URB1: variants seen among roughly 807,000 people sequenced by gnomAD.
URB1 encodes nucleolar pre-ribosomal-associated protein 1.
Under a neutral mutation model 242.3 loss-of-function variants are expected in URB1, and 197 were observed. The ratio of observed to expected loss-of-function variants is 0.81; its 90% CI spans 0.72 to 0.91. The LOEUF (loss-of-function observed/expected upper bound fraction) is 0.91. Ranked by LOEUF, URB1 falls within the 40% of genes least tolerant of loss-of-function variation. The probability of loss-of-function intolerance (pLI) is 0.00; values close to 1 mark genes in which losing one functional copy is unlikely to be tolerated. For missense variants in URB1, 2,721 were observed against 2,860.5 expected, an observed-to-expected ratio of 0.95 and a Z score of 1.11; for synonymous variants, 1,153 against 1,201.8, an observed-to-expected ratio of 0.96 and a Z score of 0.84.
At chr21:32,375,755 G>A (rs2033452219) in intron 5 of URB1, among the ~76,000 whole-genome samples, 1 of 151,802 alleles carries the variant, frequency 6.6e-6, no homozygotes, top group Admixed American at 6.6e-5. Context: ...GACCAGCCTG[G>A]GCAATATAGC....
chr21:32,311,785 C>T lies in URB1; in HGVS notation c.*3133G>A. 1 of 1,614,174 alleles carries T rather than the reference C, an allele frequency of 6.2e-7. No homozygotes were observed. The highest frequency in any genetic ancestry group is 1.1e-5 in the South Asian group (1 of 91,086). Reference sequence around the variant, plus strand: ...CCGTGCCACAGGGAACCCCTGGCAACCTCACAGGCTCAGGCGAGCTCAGTG... The same window carrying T: ...CCGTGCCACAGGGAACCCCTGGCAATCTCACAGGCTCAGGCGAGCTCAGTG... On this transcript the variant is annotated 3_prime_UTR_variant, in exon 39 of 39. Transcript: ENST00000382751.
intron 13 of URB1, among the ~76,000 whole-genome samples, chr21:32,360,165 C>T (rs941107922): frequency 6.6e-5 from 10 of 152,156 alleles, no homozygotes; most frequent in African/African-American, 2.4e-4. Context: ...GCCACACAGC[C>T]CACACTGACC....
rs372582182 is a variant in URB1 at position 32,341,529 on chromosome 21, G to T, written c.4258-5C>A. 6.4e-7 allele frequency: 1 copy of T among 1,550,970 alleles called. No individual in the cohort carries two copies. ...ATCAACTTCATTAAGTGCATGCTAT[G>T]AATAAAATAAGTAAGAAAAACACAT... On this transcript the variant is annotated splice_region_variant and splice_polypyrimidine_tract_variant and intron_variant, in intron 24 of 38. Coordinates refer to ENST00000382751, the MANE Select transcript of URB1 (RefSeq NM_014825.3).
At position 32,349,305 on chromosome 21, in the gene URB1, T is replaced by C. The variant is rs986493422; in HGVS notation, c.3011A>G (p.Gln1004Arg). Reference protein sequence around the residue: ...SVASLELANDQTLEEVLVAIL... With the variant: ...SVASLELANDRTLEEVLVAIL... The stretch of plus-strand genomic sequence containing the variant: ...CTACCAGGCAACCTGTGGCGGTACC[T>C]GATCATTGGCCAACTCCAGCGAGGC... Residue 1004 changes from glutamine to arginine, a missense_variant and splice_region_variant, in exon 21 of 39, where the codon CAG (glutamine) becomes CGG (arginine). By Grantham distance (43) the Gln-to-Arg change is conservative. Transcript: ENST00000382751. 5 of 1,539,288 alleles carry C rather than the reference T, an allele frequency of 3.2e-6. No individual in the cohort carries two copies. Among genetic ancestry groups the C allele is most frequent in the Non-Finnish European group, 4.4e-6 (5 of 1,140,836 alleles).
intron 17 of URB1, 120 bp from the exon 18 acceptor site, chr21:32,354,223 G>T (rs760048203): frequency 7.5e-5 from 85 of 1,136,854 alleles, no homozygotes; most frequent in Non-Finnish European, 9.2e-5. Context: ...ATTCCTCTTG[G>T]GGGGAGCATT....
rs2032650375 is a variant in URB1, at chr21:32,314,617, T to C, written c.*301A>G. ...CTCAAACTCGAGCTATTTCCTGTGA[T>C]GAGCTCCAAGCCCCTAGAGAGGAAG... is the stretch of plus-strand genomic sequence containing the variant. On this transcript the variant is annotated 3_prime_UTR_variant, in exon 39 of 39. Transcript: ENST00000382751. 6.2e-7 allele frequency: 1 copy of C among 1,614,130 alleles called. No individual in the cohort carries two copies. Among genetic ancestry groups the C allele is most frequent in the Non-Finnish European group, 8.5e-7 (1 of 1,180,050 alleles).
Position 32,353,804 on chromosome 21 carries a change from T to G in URB1, c.2416+129A>C. On this transcript the variant is annotated intron_variant, in intron 18 of 38. Coordinates refer to ENST00000382751, the MANE Select transcript of URB1 (RefSeq NM_014825.3). The stretch of plus-strand genomic sequence containing the variant: ...TCTGCTGGCTGGGTAGCTATCACTC[T>G]GGGGGTTCTGACCTCCTATTGCCCT... 3.5e-6 allele frequency: 4 copies of G among 1,141,042 alleles called. No individual in the cohort carries two copies. The South Asian group carries it at 6.8e-5, about 19-fold the overall frequency. The allele number at this position is 1,141,042 out of a possible 1,614,324, so 70.7% of individuals were successfully genotyped here.
rs751870972 is a variant in URB1 at position 32,311,936 on chromosome 21, C to A, written c.*2982G>T. The A allele has an allele frequency of 6.2e-7, 1 of 1,613,550 alleles. No individual in the cohort carries two copies. Among genetic ancestry groups the A allele is most frequent in the Non-Finnish European group, 8.5e-7 (1 of 1,180,042 alleles). ...AACTGACCCTCAATGGGGGTCCCCTCGTCAGGAGCAAGCCCAGCGAGCCTC... is the reference window on the plus strand; with the variant it reads ...AACTGACCCTCAATGGGGGTCCCCTAGTCAGGAGCAAGCCCAGCGAGCCTC... On this transcript the variant is annotated 3_prime_UTR_variant, in exon 39 of 39. Coordinates refer to ENST00000382751, the MANE Select transcript of URB1 (RefSeq NM_014825.3).
Position 32,311,405 on chromosome 21 carries a change from T to TCC in URB1, c.*3511_*3512dup. ...TGGATGGGAGGTCAACCTGCTCCCC[T>TCC]CCACCCCCCACCCCCCCCATCCTAA... On this transcript the variant is annotated 3_prime_UTR_variant, in exon 39 of 39. Coordinates refer to ENST00000382751, the MANE Select transcript of URB1 (RefSeq NM_014825.3). The TCC allele has an allele frequency of 1.7e-5, 5 of 291,706 alleles. 1 individual carries two copies. The highest frequency in any genetic ancestry group is 3.3e-5 in the Non-Finnish European group (5 of 153,198). The allele number at this position is 291,706 out of a possible 1,614,324, so 18.1% of individuals were successfully genotyped here. A position where few individuals can be genotyped will look rare whatever the true frequency, so the allele number is the denominator to read the frequency against.
intron 12 of URB1, among the ~76,000 whole-genome samples, chr21:32,361,591 G>T (rs555669085): frequency 6.6e-6 from 1 of 150,578 alleles, no homozygotes; most frequent in African/African-American, 2.4e-5. Flanking sequence ...CCAAGAGACA[G>T]CACCCCCATA....
At chr21:32,382,619 T>G (rs760964996) in intron 4 of URB1, among the ~76,000 whole-genome samples, 27 of 152,174 alleles carry the variant, frequency 1.8e-4, no homozygotes, top group Non-Finnish European at 2.9e-4. Context: ...TGGGATGGAC[T>G]GATACCTGTC....
intron 25 of URB1, among the ~76,000 whole-genome samples, chr21:32,339,242 C>G (rs930001963): frequency 1.3e-5 from 2 of 152,224 alleles, no homozygotes; most frequent in Non-Finnish European, 2.9e-5. Flanking sequence ...GAGCTGCCCA[C>G]CTCGGCCTCC....
chr21:32,315,211 C>T (rs2032663494), intron 38 of URB1, 112 bp from the exon 39 acceptor site: 1 of 1,133,432 alleles, frequency 8.8e-7, no homozygotes, highest in South Asian at 2.5e-5. Context: ...AACCGTGCCA[C>T]AGGCCTGGGC....
chr21:32,385,300 T>C (rs2033571599), intron 2 of URB1, among the ~76,000 whole-genome samples: 1 of 152,348 alleles, frequency 6.6e-6, no homozygotes, highest in East Asian at 1.9e-4. Context: ...TATATTTTGA[T>C]TAGGAATCTA....
At chr21:32,320,433 G>C in intron 35 of URB1, 98 bp downstream of exon 35, 1 of 908,160 alleles carries the variant, frequency 1.1e-6, no homozygotes, top group South Asian at 1.6e-5. Context: ...GGATTTTACT[G>C]GACATTTCCA....
intron 29 of URB1, 148 bp from the exon 30 acceptor site, chr21:32,333,567 G>A: frequency 1.6e-6 from 1 of 642,324 alleles, no homozygotes; most frequent in Non-Finnish European, 2.7e-6. Flanking sequence ...GGGGATGGGA[G>A]CCAAGTTTAA....
intron 30 of URB1, among the ~76,000 whole-genome samples, chr21:32,331,316 C>G (rs972026827): frequency 6.6e-6 from 1 of 152,172 alleles, no homozygotes; most frequent in Non-Finnish European, 1.5e-5. Context: ...TACCCTTCAG[C>G]ACCTGCTGAA....
chr21:32,355,654 G>A, intron 15 of URB1, 89 bp from the exon 16 acceptor site: 1 of 1,094,212 alleles, frequency 9.1e-7, no homozygotes, highest in Non-Finnish European at 1.4e-6. Context: ...TGTCACCCAG[G>A]CTGGAGTGCA....
At chr21:32,378,935 T>C (rs180857822) in intron 4 of URB1, among the ~76,000 whole-genome samples, 190 of 152,362 alleles carry the variant, frequency 1.2e-3, no homozygotes, top group African/African-American at 4.5e-3. Context: ...ATCTATGTTT[T>C]TGAAAATCCA....
Sources: gnomAD v4.1 joint callset for allele counts (sites outside exome capture counted in the v4.1 genomes callset) on GRCh38, gnomAD v4.1.1 for gene constraint, MANE v1.5 for transcripts, NCBI Gene and HGNC (gene_info 2026-07-23, HGNC 2026-07-21) for gene names.